Variants in PSMC3 observed in about 807,000 individuals in gnomAD.
PSMC3 encodes the protein proteasome 26S subunit, ATPase 3, also known as 26S proteasome regulatory subunit 6A.
A neutral mutation model predicts 52.0 loss-of-function variants in PSMC3; 11 were observed. That is an observed-to-expected ratio of 0.21 (90% confidence interval 0.13 to 0.35). PSMC3 has a LOEUF of 0.35. Among genes scored for constraint, PSMC3 ranks in the 10% least tolerant of loss-of-function variants. The pLI is 1.00. For synonymous variants in PSMC3, 201 were observed against 218.8 expected, an observed-to-expected ratio of 0.92 and a Z score of 0.72; for missense variants, 238 against 567.1, an observed-to-expected ratio of 0.42 and a Z score of 5.89.
rs982975010 is a variant in PSMC3 at position 47,422,394 on chromosome 11, G to C, written c.884+180C>G. ...TGGCAGCTGTGGGAATGAATGGCTG[G>C]GGAAACAGGGAGGCTATTGATCAGG... On this transcript the variant is annotated intron_variant, in intron 8 of 11. Transcript: ENST00000298852. This position sits in a 1 kb window ranked among gnomAD's most constrained non-coding sequence, Gnocchi z 4.3. Among the ~76,000 whole-genome samples, 1 of 152,114 alleles carries C rather than the reference G, an allele frequency of 6.6e-6. No homozygotes were observed. The highest frequency in any genetic ancestry group is 1.5e-5 in the Non-Finnish European group (1 of 68,018).
rs1329858264 is a variant in PSMC3 at position 47,424,534 on chromosome 11, G to A, written c.391-43C>T. 1.2e-6 allele frequency: 2 copies of A among 1,609,900 alleles called. No homozygotes were observed. Among genetic ancestry groups the A allele is most frequent in the Non-Finnish European group, 1.7e-6 (2 of 1,176,316 alleles). On this transcript the variant is annotated intron_variant, in intron 4 of 11. Coordinates refer to ENST00000298852, the MANE Select transcript of PSMC3 (RefSeq NM_002804.5). The surrounding 1 kb of genome is among the most constrained non-coding windows in gnomAD (Gnocchi z 4.8). ...GGGCAGTCTCAGTTAGTGTCCTCAG[G>A]GAAGGCTCCCTAGTCCTGTCCCACA... is the stretch of plus-strand genomic sequence containing the variant.
At chr11:47,425,064 C>T in intron 3 of PSMC3, 57 bp downstream of exon 3, 1 of 1,610,748 alleles carries the variant, frequency 6.2e-7, no homozygotes, top group Admixed American at 1.7e-5. Context: ...TGGCCCCACC[C>T]CAGGCTGTCC....
chr11:47,425,312 C>T lies in PSMC3; in HGVS notation c.160-66G>A. 2.5e-6 allele frequency: 4 copies of T among 1,598,634 alleles called. No homozygotes were observed. In the South Asian group the frequency reaches 4.4e-5, roughly 18 times the overall value. ...CACAGCTTATGCTAGAGCCCTGTAA[C>T]TAGTGAGGTCCAGGGTGCCCAGGGG... On this transcript the variant is annotated intron_variant, in intron 2 of 11. Transcript: ENST00000298852.
At chr11:47,420,782 C>T in intron 8 of PSMC3, 55 bp from the exon 9 acceptor site, 1 of 1,482,038 alleles carries the variant, frequency 6.7e-7, no homozygotes, top group Non-Finnish European at 9.2e-7. Context: ...GCAGAGCCCT[C>T]CCCTCCTCTA....
At chr11:47,421,553 A>G (rs955407152) in intron 8 of PSMC3, among the ~76,000 whole-genome samples, 3 of 152,162 alleles carry the variant, frequency 2.0e-5, no homozygotes, top group Non-Finnish European at 4.4e-5. Flanking sequence ...GGCTGGGGAC[A>G]GGCATGAGAT....
rs759932695 is a variant in PSMC3, at chr11:47,420,298, T to C, written c.1093A>G (p.Ile365Val). The C allele has an allele frequency of 6.2e-7, 1 of 1,614,088 alleles. No homozygotes were observed. Among genetic ancestry groups the C allele is most frequent in the Non-Finnish European group, 8.5e-7 (1 of 1,180,044 alleles). ...ATCTTTCGGGAGTGGATCTGCATGA[T>C]TCTGGCCCGGGCCTCCTCATTGGGC... ...PMPNEEARAR[I>V]MQIHSRKMNV... The change falls in exon 10 of 12, where the codon ATC (isoleucine) becomes GTC (valine). Residue 365 changes from isoleucine (I) to valine (V), a missense_variant. Ile to Val is a conservative substitution (Grantham distance 29). Coordinates refer to ENST00000298852, the MANE Select transcript of PSMC3 (RefSeq NM_002804.5).
chr11:47,422,232 C>T lies in PSMC3; in HGVS notation c.884+342G>A, dbSNP rs1378925146. 1.3e-5 allele frequency among the ~76,000 whole-genome samples: 2 copies of T among 151,888 alleles called. No individual in the cohort carries two copies. The highest frequency in any genetic ancestry group is 4.8e-5 in the African/African-American group (2 of 41,338). On this transcript the variant is annotated intron_variant, in intron 8 of 11. Coordinates refer to ENST00000298852, the MANE Select transcript of PSMC3 (RefSeq NM_002804.5). The surrounding 1 kb of genome is among the most constrained non-coding windows in gnomAD (Gnocchi z 4.3). The stretch of plus-strand genomic sequence containing the variant: ...TAATTTTTTGTATTTTTAGTAGAGA[C>T]AGGGTTTCACCATGTTAGCCAGGAT...
In PSMC3 at chr11:47,422,588, G is replaced by A. The variant is rs772690075; in HGVS notation, c.870C>T (p.Ala290=). 6.2e-7 allele frequency: 1 copy of A among 1,614,096 alleles called. No homozygotes were observed. Among genetic ancestry groups the A allele is most frequent in the Admixed American group, 1.7e-5 (1 of 60,010 alleles). Residue 290 remains alanine, a synonymous_variant, in exon 8 of 12, where the codon GCC becomes GCT. Coordinates refer to ENST00000298852, the MANE Select transcript of PSMC3 (RefSeq NM_002804.5). This position sits in a 1 kb window ranked among gnomAD's most constrained non-coding sequence, Gnocchi z 4.3. ...CCCTCCCTTACCGCTTGGTGCCGAT[G>A]GCATCCAACTCATCAATGAAGATGA... ...PSIIFIDELD[A]IGTKRFDSEK...
In PSMC3 at chr11:47,424,463, AC is replaced by A; in HGVS notation, c.418del (p.Val140TrpfsTer6). 6.2e-7 allele frequency: 1 copy of A among 1,614,150 alleles called. No homozygotes were observed. The stretch of plus-strand genomic sequence containing the variant: ...TCCTGGCTTTAGCTTTTCAGCATCC[AC>A]CAACCCAATCACAGGAAGGAAGTAC... ...QTYFLPVIGL[V>X]DAEKLKPGDL... On this transcript the variant is annotated frameshift_variant, in exon 5 of 12. Transcript: ENST00000298852. LOFTEE classifies it high-confidence loss of function. The surrounding 1 kb of genome is among the most constrained non-coding windows in gnomAD (Gnocchi z 4.8).
rs758290686 is a variant in PSMC3, at chr11:47,422,548, G to A, written c.884+26C>T. 15 of 1,612,768 alleles carry A rather than the reference G, an allele frequency of 9.3e-6. No individual in the cohort carries two copies. The highest frequency in any genetic ancestry group is 4.5e-5 in the East Asian group (2 of 44,860). Reference sequence around the variant, plus strand: ...GCTTCCCCTTACCGCCACAGAGATCGCTAGGGACCCTTGGCCCTCCCTTAC... The same window carrying A: ...GCTTCCCCTTACCGCCACAGAGATCACTAGGGACCCTTGGCCCTCCCTTAC... On this transcript the variant is annotated intron_variant, in intron 8 of 11. Transcript: ENST00000298852. The surrounding 1 kb of genome is among the most constrained non-coding windows in gnomAD (Gnocchi z 4.3).
intron 6 of PSMC3, 58 bp from the exon 7 acceptor site, chr11:47,423,031 C>T (rs1411093279): frequency 1.3e-6 from 2 of 1,507,478 alleles, no homozygotes; most frequent in Non-Finnish European, 1.8e-6. Context: ...TACAGCCCAA[C>T]CCTTCATGGC....
intron 10 of PSMC3, among the ~76,000 whole-genome samples, chr11:47,419,558 A>C (rs1398874767): frequency 6.6e-6 from 1 of 152,096 alleles, no homozygotes; most frequent in African/African-American, 2.4e-5. Context: ...CCAAGTCCCA[A>C]ATAAGAAAAG....
Position 47,424,754 on chromosome 11 carries a change from C to G in PSMC3, c.286-43G>C. On this transcript the variant is annotated intron_variant, in intron 3 of 11. Transcript: ENST00000298852. This position sits in a 1 kb window ranked among gnomAD's most constrained non-coding sequence, Gnocchi z 4.8. ...CTCAGCTCCTTGAACTCCCCAAGGC[C>G]CAGTGCTTCCTAAGACAGTTCCTAA... is the stretch of plus-strand genomic sequence containing the variant. The G allele has an allele frequency of 6.7e-7, 1 of 1,481,742 alleles. No individual in the cohort carries two copies. The highest frequency in any genetic ancestry group is 9.4e-7 in the Non-Finnish European group (1 of 1,059,646). The allele number at this position is 1,481,742 out of a possible 1,614,324, so 91.8% of individuals were successfully genotyped here.
intron 2 of PSMC3, 60 bp from the exon 3 acceptor site, chr11:47,425,306 C>G: frequency 1.2e-6 from 2 of 1,604,196 alleles, no homozygotes; most frequent in Non-Finnish European, 1.7e-6. Flanking sequence ...TGCTAGAGCC[C>G]TGTAACTAGT....
intron 2 of PSMC3, chr11:47,425,500 G>A (rs750434934): frequency 8.7e-6 from 5 of 575,910 alleles, no homozygotes; most frequent in African/African-American, 1.9e-5. Flanking sequence ...GCAAACATAG[G>A]TTTTAGGTTC....
intron 6 of PSMC3, among the ~76,000 whole-genome samples, chr11:47,423,744 G>A (rs1223100956): frequency 1.3e-5 from 2 of 151,798 alleles, no homozygotes; most frequent in Non-Finnish European, 2.9e-5. Flanking sequence ...AGCCGAGATC[G>A]TGCCATTGCA....
chr11:47,420,926 G>C (rs943673602), intron 8 of PSMC3, among the ~76,000 whole-genome samples, 199 bp from the exon 9 acceptor site: 2 of 152,170 alleles, frequency 1.3e-5, no homozygotes, highest in Non-Finnish European at 2.9e-5. Context: ...GAGACTCCTA[G>C]AATCAGGTGC....
In PSMC3 at chr11:47,422,594, C is replaced by G. The variant is rs1225163352; in HGVS notation, c.864G>C (p.Leu288Phe). The G allele has an allele frequency of 1.9e-6, 3 of 1,614,164 alleles. No individual in the cohort carries two copies. Among genetic ancestry groups the G allele is most frequent in the Non-Finnish European group, 2.5e-6 (3 of 1,180,032 alleles). The part of the protein sequence containing the change: ...KAPSIIFIDE[L>F]DAIGTKRFDS... ...CTTACCGCTTGGTGCCGATGGCATCCAACTCATCAATGAAGATGATAGAGG... is the reference window on the plus strand; with the variant it reads ...CTTACCGCTTGGTGCCGATGGCATCGAACTCATCAATGAAGATGATAGAGG... Residue 288 changes from leucine (L) to phenylalanine (F), a missense_variant, in exon 8 of 12, where the codon TTG (leucine) becomes TTC (phenylalanine). Around this residue, in one of 6 missense-constraint regions of PSMC3, gnomAD observed 46 missense variants for 172.9 expected, o/e 0.27. Transcript: ENST00000298852. The surrounding 1 kb of genome is among the most constrained non-coding windows in gnomAD (Gnocchi z 4.3).
At position 47,424,278 on chromosome 11, in the gene PSMC3, C is replaced by T; in HGVS notation, c.454-95G>A. On this transcript the variant is annotated intron_variant, in intron 5 of 11. Coordinates refer to ENST00000298852, the MANE Select transcript of PSMC3 (RefSeq NM_002804.5). The surrounding 1 kb of genome is among the most constrained non-coding windows in gnomAD (Gnocchi z 4.8). Reference sequence around the variant, plus strand: ...TGTCTGCAGAGGGAAAGACACAGGACTGGGCAATACAAGAATCAAACAGCA... The same window carrying T: ...TGTCTGCAGAGGGAAAGACACAGGATTGGGCAATACAAGAATCAAACAGCA... The T allele has an allele frequency of 6.3e-7, 1 of 1,580,292 alleles. No homozygotes were observed. The highest frequency in any genetic ancestry group is 8.7e-7 in the Non-Finnish European group (1 of 1,149,972).
Sources: allele counts gnomAD v4.1 joint callset (sites outside exome capture counted in the v4.1 genomes callset), GRCh38; gene constraint gnomAD v4.1.1; regional missense constraint gnomAD v4.1.1; non-coding constraint Gnocchi (gnomAD v3.1); transcripts MANE v1.5; gene names NCBI Gene and HGNC (gene_info 2026-07-23, HGNC 2026-07-21).